EML6: variants seen among roughly 807,000 people sequenced by gnomAD.
EML6 encodes EMAP like 6, also known as echinoderm microtubule-associated protein-like 6.
In EML6, 154 loss-of-function variants were observed where a neutral mutation model predicts 240.1. The ratio of observed to expected loss-of-function variants is 0.64; its 90% CI spans 0.56 to 0.73. The LOEUF (loss-of-function observed/expected upper bound fraction) is 0.73. Among genes scored for constraint, EML6 ranks in the 30% least tolerant of loss-of-function variants. EML6 has a pLI of 0.00. For synonymous variants in EML6, 1,148 were observed against 899.0 expected, an observed-to-expected ratio of 1.28 and a Z score of -4.95; for missense variants, 2,964 against 2,474.6, an observed-to-expected ratio of 1.20 and a Z score of -4.20.
At chr2:54,744,139 G>A (rs1367105108) in intron 2 of EML6, among the ~76,000 whole-genome samples, 1 of 149,774 alleles carries the variant, frequency 6.7e-6, no homozygotes, top group Non-Finnish European at 1.5e-5. Flanking sequence ...GTGGGGGGTG[G>A]GGGGAATCTA....
chr2:54,955,790 G>C (rs56178583), intron 32 of EML6, among the ~76,000 whole-genome samples: 8,836 of 152,280 alleles, frequency 0.058, 330 homozygotes, highest in Middle Eastern at 0.085. Context: ...TTTGTACAGA[G>C]GGTTGTGAGC....
At chr2:54,961,551 G>C (rs1175468120) in intron 35 of EML6, among the ~76,000 whole-genome samples, 4 of 152,012 alleles carry the variant, frequency 2.6e-5, no homozygotes, top group African/African-American at 9.7e-5. Flanking sequence ...CCAAGAACAG[G>C]AGAATTGGCT....
Position 54,883,094 on chromosome 2 carries a change from TATATG to T in EML6, c.2438+3457_2438+3461del, listed in dbSNP as rs1426812514. Among the ~76,000 whole-genome samples the T allele has an allele frequency of 8.5e-5, 13 of 152,074 alleles. 1 individual carries two copies. The highest frequency in any genetic ancestry group is 3.1e-4 in the African/African-American group (13 of 41,528). On this transcript the variant is annotated intron_variant, in intron 17 of 41. Transcript: ENST00000356458. ...ATTCTTTCCTCTGTTTTTCAAATAA[TATATG>T]ATCATTATAGAAAAATTAGCAGGGA...
intron 5 of EML6, among the ~76,000 whole-genome samples, chr2:54,826,074 A>G (rs1049591701): frequency 6.6e-6 from 1 of 152,032 alleles, no homozygotes; most frequent in African/African-American, 2.4e-5. Flanking sequence ...AAATTATCTC[A>G]TTGTTTCATT....
At chr2:54,742,141 A>G (rs1683670734) in intron 2 of EML6, among the ~76,000 whole-genome samples, 1 of 152,208 alleles carries the variant, frequency 6.6e-6, no homozygotes, top group Non-Finnish European at 1.5e-5. Context: ...TAGCACTGGA[A>G]TTAGTGTTCT....
chr2:54,886,386 C>G (rs1021876134), intron 17 of EML6, among the ~76,000 whole-genome samples: 5 of 152,078 alleles, frequency 3.3e-5, no homozygotes, highest in Non-Finnish European at 4.4e-5. Context: ...AGGCTGGTCT[C>G]TAACTCCTGA....
chr2:54,817,819 T>G (rs1668145035), intron 4 of EML6, among the ~76,000 whole-genome samples: 1 of 150,710 alleles, frequency 6.6e-6, no homozygotes, highest in South Asian at 2.1e-4. Context: ...AAAAAAAAAG[T>G]ATGAATGGCA....
In EML6 at chr2:54,817,179, T is replaced by G. The variant is rs186214415; in HGVS notation, c.456+294T>G. On this transcript the variant is annotated intron_variant, in intron 4 of 41. Coordinates refer to ENST00000356458, the MANE Select transcript of EML6 (RefSeq NM_001039753.4). ...ATTGAATTTGAAATTATGTGTAGTT[T>G]AGATGTATTCATTTAGAAATGGAAA... Among the ~76,000 whole-genome samples, 213 of 152,350 alleles carry G rather than the reference T, an allele frequency of 1.4e-3. 1 individual carries two copies. The highest frequency in any genetic ancestry group is 4.9e-3 in the African/African-American group (203 of 41,580).
intron 2 of EML6, among the ~76,000 whole-genome samples, chr2:54,795,041 T>C (rs1332723763): frequency 6.6e-6 from 1 of 152,218 alleles, no homozygotes. Context: ...CATAGTACTA[T>C]TTATTCGTGT....
At chr2:54,859,998 A>G (rs532025291) in intron 12 of EML6, among the ~76,000 whole-genome samples, 11 of 152,306 alleles carry the variant, frequency 7.2e-5, no homozygotes, top group African/African-American at 2.2e-4. Context: ...CACCAAATAC[A>G]CATTGATTCG....
intron 13 of EML6, among the ~76,000 whole-genome samples, 162 bp downstream of exon 13, chr2:54,864,051 C>T (rs781264309): frequency 2.0e-4 from 30 of 152,130 alleles, no homozygotes; most frequent in Admixed American, 3.9e-4. Flanking sequence ...TTAAAACCGA[C>T]GTGTTTACCC....
intron 17 of EML6, among the ~76,000 whole-genome samples, chr2:54,885,529 C>T (rs971114153): frequency 1.6e-4 from 25 of 152,176 alleles, no homozygotes; most frequent in African/African-American, 5.8e-4. Flanking sequence ...AAACACATTT[C>T]GTCTTTAGAT....
chr2:54,728,259 G>A (rs1005541896), intron 2 of EML6, among the ~76,000 whole-genome samples: 27 of 152,156 alleles, frequency 1.8e-4, no homozygotes, highest in East Asian at 1.9e-4. Flanking sequence ...TCTACTTTAG[G>A]TAGTAGAACA....
rs757206466 is a variant in EML6, at chr2:54,899,709, C to T, written c.3051C>T (p.Ser1017=). 1.4e-5 allele frequency: 22 copies of T among 1,552,334 alleles called. No individual in the cohort carries two copies. The highest frequency in any genetic ancestry group is 1.9e-5 in the Non-Finnish European group (22 of 1,147,398). ...HPLLPICATV[S]DDKTLRIWEL... is the part of the protein sequence containing the mutation. ...TCCTGCCCATCTGTGCAACAGTGAG[C>T]GATGATAAAACACTTCGCATCTGGG... Residue 1017 remains serine, a synonymous_variant, in exon 22 of 42, where the codon AGC becomes AGT. Transcript: ENST00000356458.
Position 54,963,948 on chromosome 2 carries a change from G to A in EML6, c.5158-38G>A, listed in dbSNP as rs570407157. On this transcript the variant is annotated intron_variant, in intron 36 of 41. Transcript: ENST00000356458. ...TGTCTCCTGGAGACCAGCTGAGGGG[G>A]CCAAGAGCTCAGGTGACTTTCCTTT... 2.1e-5 allele frequency: 32 copies of A among 1,523,926 alleles called. 1 individual carries two copies. In the Admixed American group the frequency reaches 5.0e-4, roughly 24 times the overall value. 94.4% of individuals were successfully genotyped at this position (1,523,926 alleles called of 1,614,324 possible).
At chr2:54,943,652 C>A (rs569130780) in intron 28 of EML6, among the ~76,000 whole-genome samples, 23 of 152,116 alleles carry the variant, frequency 1.5e-4, no homozygotes, top group Non-Finnish European at 2.6e-4. Flanking sequence ...ACTAAGAGAA[C>A]TTGTTTCTTC....
intron 24 of EML6, among the ~76,000 whole-genome samples, chr2:54,907,493 C>G (rs567091720): frequency 2.0e-5 from 3 of 152,032 alleles, no homozygotes; most frequent in Non-Finnish European, 2.9e-5. Context: ...GGTAACAGAG[C>G]GAGACTATGT....
intron 35 of EML6, among the ~76,000 whole-genome samples, chr2:54,962,192 C>G (rs1024919150): frequency 3.3e-5 from 5 of 151,242 alleles, no homozygotes; most frequent in African/African-American, 1.2e-4. Flanking sequence ...CTCAAGCAAT[C>G]CCCAAGTTTT....
chr2:54,931,537 G>C (rs1049699204), intron 28 of EML6, among the ~76,000 whole-genome samples: 1 of 152,188 alleles, frequency 6.6e-6, no homozygotes, highest in African/African-American at 2.4e-5. Context: ...CCGTTGCCCA[G>C]CAGCTCCTGA....
Sources: gnomAD v4.1 joint callset for allele counts (sites outside exome capture counted in the v4.1 genomes callset) on GRCh38, gnomAD v4.1.1 for gene constraint, MANE v1.5 for transcripts, NCBI Gene and HGNC (gene_info 2026-07-23, HGNC 2026-07-21) for gene names.